OGFR: variants seen among roughly 807,000 people sequenced by gnomAD.
OGFR encodes the protein protein 7-60.
In OGFR, 18 loss-of-function variants were observed where a neutral mutation model predicts 33.6. The ratio of observed to expected loss-of-function variants is 0.54; its 90% confidence interval spans 0.37 to 0.80. OGFR has a LOEUF of 0.80. Among genes scored for constraint, OGFR ranks in the 30% least tolerant of loss-of-function variants. The pLI is 0.00. For synonymous variants in OGFR, 370 were observed against 400.7 expected (o/e 0.92, Z 0.91); for missense variants, 877 against 955.8 (o/e 0.92, Z 1.09).
chr20:62,812,424 T>TC lies in OGFR; in HGVS notation c.809_810insC (p.Val271GlyfsTer65). The TC allele has an allele frequency of 6.3e-7, 1 of 1,583,588 alleles. No homozygotes were observed. The highest frequency in any genetic ancestry group is 1.8e-5 in the Admixed American group (1 of 56,090). ...CGCTGCCGACACCAGCGCCGCCAGCTGGTGCACTTCGCCTGGGAGCACTTC... is the reference window on the plus strand; with the variant it reads ...CGCTGCCGACACCAGCGCCGCCAGCTCGGTGCACTTCGCCTGGGAGCACTTC... On this transcript the variant is annotated frameshift_variant, in exon 7 of 7. Transcript: ENST00000290291. LOFTEE classifies it low-confidence loss of function (END_TRUNC).
At chr20:62,807,183 G>T in intron 1 of OGFR, 1 of 322,220 alleles carries the variant, frequency 3.1e-6, no homozygotes, top group South Asian at 3.8e-5. Context: ...GGCCTAGGAG[G>T]AGGAGAGGGT....
intron 3 of OGFR, among the ~76,000 whole-genome samples, chr20:62,809,204 G>C (rs912489676): frequency 1.3e-5 from 2 of 152,204 alleles, no homozygotes; most frequent in African/African-American, 4.8e-5. Flanking sequence ...TCAGCTGGGG[G>C]CTGTGTTTGA....
At chr20:62,809,469 A>C in intron 3 of OGFR, 116 bp from the exon 4 acceptor site, 1 of 768,008 alleles carries the variant, frequency 1.3e-6, no homozygotes, top group Non-Finnish European at 2.3e-6. Flanking sequence ...AGGGCGAGGA[A>C]TAGCTTGGGG....
rs762205016 is a variant in OGFR at position 62,812,305 on chromosome 20, G to A, written c.690G>A (p.Ala230=). The part of the protein sequence containing the change: ...LGELGLEHFQ[A]PLVRFFLEET... Reference sequence around the variant, plus strand: ...AGCTGGGCCTCGAGCACTTCCAGGCGCCGCTGGTCCGCTTCTTCCTGGAGG... The same window carrying A: ...AGCTGGGCCTCGAGCACTTCCAGGCACCGCTGGTCCGCTTCTTCCTGGAGG... The change falls in exon 7 of 7, where the codon GCG becomes GCA. Residue 230 remains alanine, a synonymous_variant. Coordinates refer to ENST00000290291, the MANE Select transcript of OGFR (RefSeq NM_007346.4). 1.1e-5 allele frequency: 17 copies of A among 1,551,878 alleles called. No individual in the cohort carries two copies. The highest frequency in any genetic ancestry group is 5.9e-5 in the South Asian group (5 of 84,166).
At chr20:62,807,968 C>T in intron 2 of OGFR, 1 of 602,646 alleles carries the variant, frequency 1.7e-6, no homozygotes, top group African/African-American at 1.9e-5. Context: ...CCCTCCACAC[C>T]CCTGAATCAC....
chr20:62,807,700 C>A, intron 2 of OGFR, 95 bp downstream of exon 2: 1 of 1,324,594 alleles, frequency 7.5e-7, no homozygotes, highest in Non-Finnish European at 1.1e-6. Context: ...GCTGGCCTGG[C>A]TTGCTGTGCC....
rs1568741962 is a variant in OGFR at position 62,813,452 on chromosome 20, G to A, written c.1837G>A (p.Glu613Lys). 4.2e-6 allele frequency: 6 copies of A among 1,437,248 alleles called. No individual in the cohort carries two copies. In the East Asian group the frequency reaches 1.1e-4, roughly 26 times the overall value. 89.0% of individuals were successfully genotyped at this position (1,437,248 alleles called of 1,614,324 possible). Reference sequence around the variant, plus strand: ...CCGCCCGGCAGGACCTGCAGGGGACGAGCCAGCCGAGAGCCCATCGGAGAC... The same window carrying A: ...CCGCCCGGCAGGACCTGCAGGGGACAAGCCAGCCGAGAGCCCATCGGAGAC... ...GPRPAGPAGDEPAESPSETPG... is the reference protein window; with the variant it reads ...GPRPAGPAGDKPAESPSETPG... The change falls in exon 7 of 7, where the codon GAG (glutamate) becomes AAG (lysine). Residue 613 changes from glutamate to lysine, a missense_variant. Physicochemically the swap from Glu to Lys is moderately conservative, Grantham distance 56 (BLOSUM62 1). Transcript: ENST00000290291.
chr20:62,808,961 T>G (rs1990659608), intron 3 of OGFR, among the ~76,000 whole-genome samples: 1 of 102,892 alleles, frequency 9.7e-6, no homozygotes, highest in African/African-American at 4.0e-5. Context: ...GGCAACAGAA[T>G]GAGACTCTGT....
At chr20:62,808,134 G>A (rs1326346392) in intron 2 of OGFR, 113 bp from the exon 3 acceptor site, 4 of 840,972 alleles carry the variant, frequency 4.8e-6, no homozygotes, top group Middle Eastern at 2.5e-4. Context: ...CGGGCTCTTG[G>A]GGTATTGGGC....
intron 4 of OGFR, 146 bp from the exon 5 acceptor site, chr20:62,810,353 C>T (rs1414151939): frequency 1.0e-5 from 7 of 696,774 alleles, no homozygotes; most frequent in East Asian, 8.2e-5. Flanking sequence ...CTCCCACCCT[C>T]GCTCCTCCAC....
rs200464407 is a variant in OGFR, at chr20:62,813,666, C to G, written c.*17C>G. 6 of 1,610,042 alleles carry G rather than the reference C, an allele frequency of 3.7e-6. No homozygotes were observed. In the East Asian group the frequency reaches 1.1e-4, roughly 30 times the overall value. Reference sequence around the variant, plus strand: ...AAGCCTTAAGGAAAGGAGTGCCCGTCGGCGTCTTGGTCCTCCTGTCCCTGC... The same window carrying G: ...AAGCCTTAAGGAAAGGAGTGCCCGTGGGCGTCTTGGTCCTCCTGTCCCTGC... On this transcript the variant is annotated 3_prime_UTR_variant, in exon 7 of 7. Coordinates refer to ENST00000290291, the MANE Select transcript of OGFR (RefSeq NM_007346.4).
chr20:62,805,161 C>CA, intron 1 of OGFR, 131 bp downstream of exon 1: 3 of 628,386 alleles, frequency 4.8e-6, no homozygotes, highest in Non-Finnish European at 6.9e-6. Flanking sequence ...CCGGGGACCC[C>CA]CCCCCAGACC....
chr20:62,810,089 G>GAA (rs1209396030), intron 4 of OGFR, among the ~76,000 whole-genome samples: 1 of 98,064 alleles, frequency 1.0e-5, no homozygotes, highest in Non-Finnish European at 2.1e-5. Context: ...TGTGGCCCCG[G>GAA]AAACAGCATG....
chr20:62,808,298 A>C lies in OGFR; in HGVS notation c.292A>C (p.Arg98=). ...NGDTPNLSFY[R]NEIRFLPNGC... ...GGACACGCCAAACCTGAGTTTCTAC[A>C]GAAATGAGATCCGCTTCCTGCCCAA... Residue 98 remains arginine, a synonymous_variant, in exon 3 of 7, where the codon AGA becomes CGA. Coordinates refer to ENST00000290291, the MANE Select transcript of OGFR (RefSeq NM_007346.4). 1 of 1,613,464 alleles carries C rather than the reference A, an allele frequency of 6.2e-7. No individual in the cohort carries two copies. Among genetic ancestry groups the C allele is most frequent in the Non-Finnish European group, 8.5e-7 (1 of 1,179,904 alleles).
rs577063229 is a variant in OGFR, at chr20:62,811,646, G to A, written c.614+36G>A. 2.0e-5 allele frequency: 17 copies of A among 865,112 alleles called. No homozygotes were observed. The East Asian group carries it at 6.2e-4, about 31-fold the overall frequency. 53.6% of individuals were successfully genotyped at this position (865,112 alleles called of 1,614,324 possible). On this transcript the variant is annotated intron_variant, in intron 6 of 6. Coordinates refer to ENST00000290291, the MANE Select transcript of OGFR (RefSeq NM_007346.4). ...GCTGCTCCCGCCCACCCCCACCCCG[G>A]CGCAGAACAGGGCCACGTCAGGTTT...
In OGFR at chr20:62,813,010, T is replaced by G. The variant is rs1784013438; in HGVS notation, c.1395T>G (p.Ala465=). The change falls in exon 7 of 7, where the codon GCT becomes GCG. Residue 465 remains alanine (A), a synonymous_variant. Transcript: ENST00000290291. ...VRKRRKVDEG[A]GDSAAVASGG... is the part of the protein sequence containing the mutation. ...AGCGGAGGAAGGTGGATGAGGGTGC[T>G]GGGGACAGTGCTGCGGTGGCCAGTG... The G allele has an allele frequency of 6.2e-7, 1 of 1,609,046 alleles. No individual in the cohort carries two copies. The highest frequency in any genetic ancestry group is 1.3e-5 in the African/African-American group (1 of 74,978).
In OGFR at chr20:62,812,685, C is replaced by A. The variant is rs971867784; in HGVS notation, c.1070C>A (p.Pro357His). 6.4e-7 allele frequency: 1 copy of A among 1,572,022 alleles called. No individual in the cohort carries two copies. Among genetic ancestry groups the A allele is most frequent in the African/African-American group, 1.4e-5 (1 of 73,988 alleles). The change falls in exon 7 of 7, where the codon CCC becomes CAC. Residue 357 changes from proline to histidine, a missense_variant. Pro to His is a moderately conservative substitution (Grantham distance 77, BLOSUM62 -2). Around this residue, in one of 3 missense-constraint regions of OGFR, gnomAD observed 760 missense variants for 736.0 expected, o/e 1.03. Transcript: ENST00000290291. ...PRSVEPQDAGPLERSQGDEAG... is the reference protein window; with the variant it reads ...PRSVEPQDAGHLERSQGDEAG... ...AGCGTGGAGCCCCAGGATGCGGGAC[C>A]CCTGGAGAGGAGCCAGGGGGATGAG... is the stretch of plus-strand genomic sequence containing the variant.
chr20:62,811,613 G>A lies in OGFR; in HGVS notation c.614+3G>A, dbSNP rs1207586317. ...AAGCGCTTCCAGAACCTGAACTGGT[G>A]AGGCCCGGCTGCTCCCGCCCACCCC... On this transcript the variant is annotated splice_donor_region_variant and intron_variant, in intron 6 of 6. Transcript: ENST00000290291. 7 of 1,570,512 alleles carry A rather than the reference G, an allele frequency of 4.5e-6. No homozygotes were observed. In the South Asian group the frequency reaches 5.8e-5, roughly 13 times the overall value.
Position 62,813,072 on chromosome 20 carries a change from C to T in OGFR, c.1457C>T (p.Ala486Val), listed in dbSNP as rs760979947. Residue 486 changes from alanine (A) to valine (V), a missense_variant, in exon 7 of 7, where the codon GCC (alanine) becomes GTC (valine). By Grantham distance (64) the Ala-to-Val change is moderately conservative (BLOSUM62 0). Coordinates refer to ENST00000290291, the MANE Select transcript of OGFR (RefSeq NM_007346.4). Reference sequence around the variant, plus strand: ...ACCTTGGCCCTTGCCGGGTCCCCTGCCCCATCGGGGCACCCCAAGGCTGGA... The same window carrying T: ...ACCTTGGCCCTTGCCGGGTCCCCTGTCCCATCGGGGCACCCCAAGGCTGGA... The part of the protein sequence containing the change: ...AQTLALAGSP[A>V]PSGHPKAGHS... 1.9e-6 allele frequency: 3 copies of T among 1,579,776 alleles called. No individual in the cohort carries two copies. Among genetic ancestry groups the T allele is most frequent in the Middle Eastern group, 1.7e-4 (1 of 5,880 alleles).
Sources: allele counts gnomAD v4.1 joint callset (sites outside exome capture counted in the v4.1 genomes callset), GRCh38; gene constraint gnomAD v4.1.1; regional missense constraint gnomAD v4.1.1; transcripts MANE v1.5; gene names NCBI Gene and HGNC (gene_info 2026-07-23, HGNC 2026-07-21).